ATP6V1E1: variants seen among roughly 807,000 people sequenced by gnomAD.
ATP6V1E1 encodes the protein ATPase H+ transporting V1 subunit E1.
ATP6V1E1 carries 21 observed loss-of-function variants against 35.2 expected under a neutral mutation model. The observed-to-expected ratio is 0.60, with a 90% CI of 0.42 to 0.86. The LOEUF (loss-of-function observed/expected upper bound fraction) is 0.86, where lower values mean the gene tolerates loss of function less well. ATP6V1E1 is among the 40% of genes least tolerant of loss of function. The pLI is 0.00. For synonymous variants in ATP6V1E1, 83 were observed against 87.8 expected, an observed-to-expected ratio of 0.95 and a Z score of 0.30; for missense variants, 183 against 272.6, an observed-to-expected ratio of 0.67 and a Z score of 2.32.
intron 4 of ATP6V1E1, among the ~76,000 whole-genome samples, chr22:17,608,145 C>A (rs143308703): frequency 7.9e-5 from 12 of 152,280 alleles, no homozygotes; most frequent in African/African-American, 2.9e-4. Flanking sequence ...CCTAGAGGGG[C>A]CAGCACGATA....
Position 17,592,800 on chromosome 22 carries a change from CTTTTTTTTT to C in ATP6V1E1, c.619-73_619-65del, listed in dbSNP as rs150344720. 7.9e-5 allele frequency: 57 copies of C among 720,880 alleles called. No homozygotes were observed. In the Admixed American group the frequency reaches 8.3e-4, roughly 11 times the overall value. The allele number at this position is 720,880 out of a possible 1,614,324, so 44.7% of individuals were successfully genotyped here. ...GAAGAAGTTGTAGAGCGCTGCACAT[CTTTTTTTTT>C]TTTTTTTTTTTGAGACGGAGTCTCG... On this transcript the variant is annotated intron_variant, in intron 8 of 8. Coordinates refer to ENST00000253413, the MANE Select transcript of ATP6V1E1 (RefSeq NM_001696.4).
At chr22:17,615,897 T>C (rs544637658) in intron 2 of ATP6V1E1, among the ~76,000 whole-genome samples, 1 of 152,040 alleles carries the variant, frequency 6.6e-6, no homozygotes, top group Non-Finnish European at 1.5e-5. Flanking sequence ...CTGGGCGTGG[T>C]GGCAGGTGCC....
Position 17,613,269 on chromosome 22 carries a change from G to A in ATP6V1E1, c.151C>T (p.Leu51=). 6.2e-7 allele frequency: 1 copy of A among 1,613,368 alleles called. No homozygotes were observed. The highest frequency in any genetic ancestry group is 1.7e-5 in the Admixed American group (1 of 59,890). Residue 51 remains leucine, a synonymous_variant, in exon 3 of 9, where the codon CTA becomes TTA. Coordinates refer to ENST00000253413, the MANE Select transcript of ATP6V1E1 (RefSeq NM_001696.4). ...EKGRLVQTQR[L]KIMEYYEKKE... is the part of the protein sequence containing the mutation. Reference sequence around the variant, plus strand: ...TTCTCATAATATTCCATAATCTTTAGTCTTTGGGTTTGCACAAGCCGACCT... The same window carrying A: ...TTCTCATAATATTCCATAATCTTTAATCTTTGGGTTTGCACAAGCCGACCT...
At position 17,592,663 on chromosome 22, in the gene ATP6V1E1, C is replaced by G; in HGVS notation, c.*11G>C. 6.2e-7 allele frequency: 1 copy of G among 1,613,728 alleles called. No homozygotes were observed. The highest frequency in any genetic ancestry group is 8.5e-7 in the Non-Finnish European group (1 of 1,179,638). On this transcript the variant is annotated 3_prime_UTR_variant, in exon 9 of 9. Coordinates refer to ENST00000253413, the MANE Select transcript of ATP6V1E1 (RefSeq NM_001696.4). ...CAGGAGAGCTGACGACGAGCTCCACCTCCTGAAGGCTTAGTCCAAAAACTT... is the reference window on the plus strand; with the variant it reads ...CAGGAGAGCTGACGACGAGCTCCACGTCCTGAAGGCTTAGTCCAAAAACTT...
chr22:17,596,432 C>CCATGT (rs2057732756), intron 7 of ATP6V1E1, among the ~76,000 whole-genome samples: 2 of 152,004 alleles, frequency 1.3e-5, no homozygotes, highest in African/African-American at 4.8e-5. Flanking sequence ...GTTCCCTAGG[C>CCATGT]TCTCTGGCCT....
Position 17,600,090 on chromosome 22 carries a change from C to T in ATP6V1E1, c.372G>A (p.Leu124=), listed in dbSNP as rs2057755027. 2 of 1,613,188 alleles carry T rather than the reference C, an allele frequency of 1.2e-6. No homozygotes were observed. Among genetic ancestry groups the T allele is most frequent in the African/African-American group, 1.3e-5 (1 of 74,820 alleles). The change falls in exon 6 of 9, where the codon TTG becomes TTA. Residue 124 remains leucine (L), a synonymous_variant. Transcript: ENST00000253413. ...TCATTCGGGGCTCCAGCAACTGGTA[C>T]AAACCCTGGAAGAAATAGTAGATAC... The part of the protein sequence containing the change: ...VLLDGLVLQG[L]YQLLEPRMIV...
chr22:17,627,124 G>A (rs2057912878), intron 1 of ATP6V1E1, among the ~76,000 whole-genome samples: 1 of 152,096 alleles, frequency 6.6e-6, no homozygotes, highest in South Asian at 2.1e-4. Context: ...TGAGTAGCTG[G>A]GACTACAGGC....
intron 1 of ATP6V1E1, among the ~76,000 whole-genome samples, chr22:17,627,136 C>T (rs2057913140): frequency 6.6e-6 from 1 of 151,926 alleles, no homozygotes. Context: ...ACTACAGGCG[C>T]ACCCCACTAG....
In ATP6V1E1 at chr22:17,608,852, C is replaced by T. The variant is rs370329204; in HGVS notation, c.276+3960G>A. 4.9e-3 allele frequency among the ~76,000 whole-genome samples: 743 copies of T among 152,230 alleles called. 6 individuals carry two copies. The highest frequency in any genetic ancestry group is 0.017 in the African/African-American group (698 of 41,544). ...CTGTAATCCCAGCACTTTGGGAGGCCGAGGCGGGCAGATCACGAGGTCAGG... is the reference window on the plus strand; with the variant it reads ...CTGTAATCCCAGCACTTTGGGAGGCTGAGGCGGGCAGATCACGAGGTCAGG... On this transcript the variant is annotated intron_variant, in intron 4 of 8. Transcript: ENST00000253413.
chr22:17,625,032 C>G (rs899350718), intron 1 of ATP6V1E1, among the ~76,000 whole-genome samples: 2 of 151,966 alleles, frequency 1.3e-5, no homozygotes, highest in African/African-American at 4.8e-5. Context: ...TTGAAAGAAG[C>G]AGAAGAAGCA....
intron 1 of ATP6V1E1, among the ~76,000 whole-genome samples, chr22:17,620,965 G>C (rs1274847676): frequency 6.6e-6 from 1 of 152,098 alleles, no homozygotes; most frequent in African/African-American, 2.4e-5. Flanking sequence ...GGGAGGCTGA[G>C]GCAGGAGAAT....
chr22:17,599,025 T>C (rs2057747734), intron 6 of ATP6V1E1, among the ~76,000 whole-genome samples: 1 of 152,072 alleles, frequency 6.6e-6, no homozygotes, highest in African/African-American at 2.4e-5. Context: ...ACAGGGACCT[T>C]GAAGGCATTA....
chr22:17,602,087 T>TA (rs1250511016), intron 4 of ATP6V1E1, among the ~76,000 whole-genome samples: 15 of 152,176 alleles, frequency 9.9e-5, no homozygotes, highest in Middle Eastern at 3.4e-3. Flanking sequence ...TTTTATTTTT[T>TA]ATAGAGATGG....
At chr22:17,627,479 A>T (rs114340912) in intron 1 of ATP6V1E1, among the ~76,000 whole-genome samples, 265 of 152,060 alleles carry the variant, frequency 1.7e-3, no homozygotes, top group African/African-American at 6.1e-3. Flanking sequence ...GAGACCAATC[A>T]TTACAATCCA....
intron 1 of ATP6V1E1, among the ~76,000 whole-genome samples, chr22:17,621,149 AACT>A (rs1406074216): frequency 6.6e-6 from 1 of 152,094 alleles, no homozygotes; most frequent in Non-Finnish European, 1.5e-5. Flanking sequence ...CTCTCAGCTA[AACT>A]ACTACAACAG....
intron 7 of ATP6V1E1, among the ~76,000 whole-genome samples, chr22:17,596,777 C>A (rs2057734538): frequency 6.6e-6 from 1 of 152,020 alleles, no homozygotes; most frequent in Non-Finnish European, 1.5e-5. Flanking sequence ...AGCATTTTCA[C>A]ATGTACTATC....
At chr22:17,614,518 A>AC (rs1568889882) in intron 2 of ATP6V1E1, among the ~76,000 whole-genome samples, 2 of 120,414 alleles carry the variant, frequency 1.7e-5, no homozygotes, top group African/African-American at 3.1e-5. Context: ...CACACACACA[A>AC]AAATTAGCCG....
At chr22:17,625,928 C>G (rs1601399643) in intron 1 of ATP6V1E1, among the ~76,000 whole-genome samples, 1 of 151,690 alleles carries the variant, frequency 6.6e-6, no homozygotes, top group Admixed American at 6.6e-5. Flanking sequence ...GGGTTCACGA[C>G]TTCCACAACA....
intron 7 of ATP6V1E1, among the ~76,000 whole-genome samples, chr22:17,596,049 G>A (rs576198689): frequency 1.3e-5 from 2 of 151,634 alleles, no homozygotes; most frequent in African/African-American, 2.4e-5. Flanking sequence ...GGAGAATGGT[G>A]TGAACCTGGG....
Sources: gnomAD v4.1 joint callset for allele counts (sites outside exome capture counted in the v4.1 genomes callset) on GRCh38, gnomAD v4.1.1 for gene constraint, MANE v1.5 for transcripts, NCBI Gene and HGNC (gene_info 2026-07-23, HGNC 2026-07-21) for gene names.